ARFGAP3: variants seen among roughly 807,000 people sequenced by gnomAD.
ARFGAP3 encodes the protein ARF GTPase activating protein 3.
In ARFGAP3, 72 loss-of-function variants were observed where a neutral mutation model predicts 75.0. That is an observed-to-expected ratio of 0.96 (90% CI 0.79 to 1.17). The LOEUF is 1.17. ARFGAP3 is among the 50% of genes most tolerant of loss of function. ARFGAP3 has a pLI of 0.00. For missense variants in ARFGAP3, 620 were observed against 626.6 expected, an observed-to-expected ratio of 0.99 and a Z score of 0.11; for synonymous variants, 221 against 217.9, an observed-to-expected ratio of 1.01 and a Z score of -0.13.
intron 6 of ARFGAP3, among the ~76,000 whole-genome samples, chr22:42,828,389 C>T (rs2146556072): frequency 6.6e-6 from 1 of 152,120 alleles, no homozygotes; most frequent in East Asian, 2.0e-4. Flanking sequence ...AAACCCGTCT[C>T]TACTAAAAAT....
intron 5 of ARFGAP3, among the ~76,000 whole-genome samples, chr22:42,833,067 C>A (rs764529895): frequency 6.6e-6 from 1 of 152,022 alleles, no homozygotes; most frequent in Admixed American, 6.6e-5. Flanking sequence ...TTTACTTTCC[C>A]TAGATCTAAG....
At chr22:42,853,449 C>A in intron 1 of ARFGAP3, 1 of 220,850 alleles carries the variant, frequency 4.5e-6, no homozygotes. Flanking sequence ...AGGGAATCTG[C>A]TGGCCATCCT....
intron 3 of ARFGAP3, among the ~76,000 whole-genome samples, chr22:42,839,727 G>A (rs2146572624): frequency 6.6e-6 from 1 of 151,864 alleles, no homozygotes; most frequent in African/African-American, 2.4e-5. Flanking sequence ...TCATAAAGAA[G>A]CCTCCAGTTT....
intron 1 of ARFGAP3, among the ~76,000 whole-genome samples, chr22:42,855,963 C>G (rs1264488609): frequency 6.6e-6 from 1 of 152,128 alleles, no homozygotes; most frequent in Non-Finnish European, 1.5e-5. Flanking sequence ...ATGGCTTGGG[C>G]TGGGTAGGTC....
intron 15 of ARFGAP3, 144 bp from the exon 16 acceptor site, chr22:42,797,749 C>T: frequency 6.4e-7 from 1 of 1,556,472 alleles, no homozygotes; most frequent in Non-Finnish European, 8.7e-7. Flanking sequence ...AGGGTGTGCT[C>T]ATCTGGAAGC....
At chr22:42,843,158 C>T (rs1926862031) in intron 2 of ARFGAP3, among the ~76,000 whole-genome samples, 2 of 151,962 alleles carry the variant, frequency 1.3e-5, no homozygotes, top group South Asian at 4.2e-4. Flanking sequence ...GTCTCCTGCT[C>T]TGCCCAGGCT....
At position 42,834,270 on chromosome 22, in the gene ARFGAP3, T is replaced by C. The variant is rs1369219388; in HGVS notation, c.449A>G (p.Asp150Gly). Residue 150 changes from aspartate to glycine, a missense_variant, in exon 5 of 16, where the codon GAT becomes GGT. Transcript: ENST00000263245. ...PPLSPPPKEEDFFASHVSPEV... is the reference protein window; with the variant it reads ...PPLSPPPKEEGFFASHVSPEV... ...AGGAGAAACGTGAGAGGCAAAAAAA[T>C]CTTCCTCCTTTGGTGGAGGGGACAA... 2 of 1,613,940 alleles carry C rather than the reference T, an allele frequency of 1.2e-6. No individual in the cohort carries two copies. The highest frequency in any genetic ancestry group is 1.7e-6 in the Non-Finnish European group (2 of 1,179,988).
intron 3 of ARFGAP3, among the ~76,000 whole-genome samples, chr22:42,837,636 A>C (rs1926579513): frequency 2.7e-5 from 4 of 147,474 alleles, no homozygotes; most frequent in African/African-American, 5.0e-5. Flanking sequence ...AAAAAAAAAA[A>C]AAACCAAAAA....
chr22:42,827,082 A>T, intron 6 of ARFGAP3, 83 bp from the exon 7 acceptor site: 1 of 1,490,644 alleles, frequency 6.7e-7, no homozygotes, highest in Admixed American at 2.3e-5. Flanking sequence ...CAACTTGCTC[A>T]GTGCTACATC....
chr22:42,846,414 C>T (rs1211392117), intron 2 of ARFGAP3, among the ~76,000 whole-genome samples: 2 of 152,172 alleles, frequency 1.3e-5, no homozygotes, highest in Admixed American at 6.5e-5. Context: ...ACAAATAGTC[C>T]TGCCTCCCAC....
At chr22:42,816,131 CAAAA>C (rs1204389169) in intron 11 of ARFGAP3, among the ~76,000 whole-genome samples, 1 of 151,974 alleles carries the variant, frequency 6.6e-6, no homozygotes, top group Non-Finnish European at 1.5e-5. Context: ...AACAAACAAA[CAAAA>C]AACATTTAGA....
chr22:42,847,372 G>C (rs951353969), intron 2 of ARFGAP3, 142 bp downstream of exon 2: 5 of 670,718 alleles, frequency 7.5e-6, no homozygotes, highest in Non-Finnish European at 1.3e-5. Flanking sequence ...CTTGAGCCCA[G>C]TGAGCTATGA....
intron 11 of ARFGAP3, among the ~76,000 whole-genome samples, chr22:42,811,927 A>T (rs998132354): frequency 6.6e-6 from 1 of 152,174 alleles, no homozygotes; most frequent in Non-Finnish European, 1.5e-5. Context: ...CTGTAATCCC[A>T]GCACTTTGGG....
At chr22:42,821,677 A>C (rs1925818609) in intron 9 of ARFGAP3, among the ~76,000 whole-genome samples, 1 of 152,368 alleles carries the variant, frequency 6.6e-6, no homozygotes, top group South Asian at 2.1e-4. Flanking sequence ...GATTAACGCC[A>C]CTATGAACAT....
chr22:42,831,870 C>T, intron 5 of ARFGAP3: 3 of 388,684 alleles, frequency 7.7e-6, no homozygotes, highest in Non-Finnish European at 1.1e-5. Context: ...GGAGCCTTGA[C>T]CTCCCAGGCT....
chr22:42,846,398 C>T (rs1486740942), intron 2 of ARFGAP3, among the ~76,000 whole-genome samples: 1 of 152,192 alleles, frequency 6.6e-6, no homozygotes, highest in Non-Finnish European at 1.5e-5. Context: ...CAATTTATTT[C>T]ACTTCACAAA....
chr22:42,805,231 G>A (rs1036514947), intron 14 of ARFGAP3, among the ~76,000 whole-genome samples: 13 of 152,204 alleles, frequency 8.5e-5, no homozygotes, highest in African/African-American at 3.1e-4. Flanking sequence ...TTTGTTCTCT[G>A]AAAGGGAACA....
chr22:42,821,126 A>G (rs537137241), intron 9 of ARFGAP3, among the ~76,000 whole-genome samples: 24 of 152,334 alleles, frequency 1.6e-4, no homozygotes, highest in African/African-American at 5.8e-4. Context: ...ATCCAGGCTC[A>G]GAACCTCTGG....
At position 42,798,106 on chromosome 22, in the gene ARFGAP3, G is replaced by A. The variant is rs1156916704; in HGVS notation, c.1534-501C>T. 2.0e-5 allele frequency among the ~76,000 whole-genome samples: 3 copies of A among 152,210 alleles called. No homozygotes were observed. In the East Asian group the frequency reaches 5.8e-4, roughly 29 times the overall value. On this transcript the variant is annotated intron_variant, in intron 15 of 15. Transcript: ENST00000263245. ...AATGGGGATGACCATCTATAAAATA[G>A]GGATGTTACCTATTTGGACACTGAT...
Sources: gnomAD v4.1 joint callset for allele counts (sites outside exome capture counted in the v4.1 genomes callset) on GRCh38, gnomAD v4.1.1 for gene constraint, MANE v1.5 for transcripts, NCBI Gene and HGNC (gene_info 2026-07-23, HGNC 2026-07-21) for gene names.